The following BCAS1 variants were observed in gnomAD, a reference collection of about 807,000 sequenced individuals.
The protein encoded by BCAS1 is brain enriched myelin associated protein 1.
Under a neutral mutation model 65.4 loss-of-function variants are expected in BCAS1, and 46 were observed. The ratio of observed to expected loss-of-function variants is 0.70; its 90% CI spans 0.55 to 0.90. The LOEUF (loss-of-function observed/expected upper bound fraction) is 0.90. Ranked by LOEUF, BCAS1 falls within the 40% of genes least tolerant of loss-of-function variation. BCAS1 has a pLI of 0.00. For missense variants in BCAS1, 793 were observed against 771.2 expected (o/e 1.03, Z -0.33); for synonymous variants, 298 against 293.5 (o/e 1.02, Z -0.16).
intron 10 of BCAS1, among the ~76,000 whole-genome samples, chr20:53,960,495 A>AG (rs1226720126): frequency 7.3e-5 from 6 of 82,306 alleles, no homozygotes; most frequent in Non-Finnish European, 1.4e-4. Flanking sequence ...AAAAAAAAAA[A>AG]AGAGAGAGAG....
At chr20:54,063,412 G>A (rs548723375) in intron 1 of BCAS1, among the ~76,000 whole-genome samples, 6 of 152,308 alleles carry the variant, frequency 3.9e-5, no homozygotes, top group African/African-American at 1.2e-4. Context: ...ACTCTCACGG[G>A]TATGATCCTT....
At chr20:54,003,332 A>G (rs2145903019) in intron 4 of BCAS1, among the ~76,000 whole-genome samples, 1 of 151,518 alleles carries the variant, frequency 6.6e-6, no homozygotes, top group African/African-American at 2.4e-5. Flanking sequence ...AAGGATATGG[A>G]GTAAATTCTT....
chr20:53,947,066 G>A (rs1279739684), intron 12 of BCAS1, among the ~76,000 whole-genome samples: 4 of 152,086 alleles, frequency 2.6e-5, no homozygotes, highest in African/African-American at 9.7e-5. Flanking sequence ...ACTACATAGT[G>A]TAGTGTAATT....
intron 6 of BCAS1, 91 bp from the exon 7 acceptor site, chr20:53,992,737 G>T: frequency 1.6e-6 from 2 of 1,226,868 alleles, no homozygotes; most frequent in African/African-American, 1.6e-5. Flanking sequence ...TTAATACGCT[G>T]TGACAATTAA....
intron 9 of BCAS1, among the ~76,000 whole-genome samples, chr20:53,967,663 A>G (rs1217353652): frequency 1.3e-5 from 2 of 152,234 alleles, no homozygotes; most frequent in African/African-American, 4.8e-5. Flanking sequence ...CAGAAGAAAA[A>G]TGAACTTGGC....
intron 4 of BCAS1, among the ~76,000 whole-genome samples, chr20:53,997,989 C>T (rs2090962615): frequency 6.6e-6 from 1 of 152,158 alleles, no homozygotes; most frequent in South Asian, 2.1e-4. Context: ...CTGCCAGTTC[C>T]CTTACTTAGA....
intron 4 of BCAS1, among the ~76,000 whole-genome samples, chr20:53,996,341 G>T (rs1324785045): frequency 6.6e-6 from 1 of 151,800 alleles, no homozygotes; most frequent in East Asian, 1.9e-4. Context: ...TTCCAATTCT[G>T]CAAAGAAGTT....
chr20:54,028,288 AC>A, intron 4 of BCAS1, 103 bp downstream of exon 4: 1 of 1,203,638 alleles, frequency 8.3e-7, no homozygotes, highest in South Asian at 1.2e-5. Flanking sequence ...ACAGCTTGCC[AC>A]CTTGCCTAGG....
intron 4 of BCAS1, among the ~76,000 whole-genome samples, chr20:54,017,300 C>G (rs2146002839): frequency 6.6e-6 from 1 of 152,176 alleles, no homozygotes. Flanking sequence ...TCTCTTGTTT[C>G]CCTTTTGGCA....
chr20:54,013,970 T>TATA (rs2091377627), intron 4 of BCAS1, among the ~76,000 whole-genome samples: 6 of 152,256 alleles, frequency 3.9e-5, no homozygotes, highest in Admixed American at 3.9e-4. Context: ...TATAATTTTT[T>TATA]GTTTTGAACA....
At chr20:54,047,817 G>T (rs1458591497) in intron 3 of BCAS1, among the ~76,000 whole-genome samples, 1 of 152,226 alleles carries the variant, frequency 6.6e-6, no homozygotes, top group South Asian at 2.1e-4. Flanking sequence ...TGGCTCAAGA[G>T]TGCTGGTTAC....
At chr20:54,045,095 C>G (rs2092076356) in intron 3 of BCAS1, among the ~76,000 whole-genome samples, 1 of 151,080 alleles carries the variant, frequency 6.6e-6, no homozygotes, top group African/African-American at 2.4e-5. Context: ...GCCTGTGATC[C>G]CAGCTACACA....
chr20:54,043,199 T>C (rs1352964429), intron 3 of BCAS1, among the ~76,000 whole-genome samples: 1 of 152,162 alleles, frequency 6.6e-6, no homozygotes, highest in Non-Finnish European at 1.5e-5. Context: ...GGGATGCACA[T>C]TGTGACGGGC....
At chr20:53,958,940 G>A (rs1046862111) in intron 10 of BCAS1, among the ~76,000 whole-genome samples, 4 of 152,086 alleles carry the variant, frequency 2.6e-5, no homozygotes, top group African/African-American at 4.8e-5. Context: ...ATCAATAAAC[G>A]TTTATTGAGC....
chr20:53,952,696 A>G (rs1006881748), intron 12 of BCAS1, among the ~76,000 whole-genome samples: 3 of 152,240 alleles, frequency 2.0e-5, no homozygotes, highest in Non-Finnish European at 4.4e-5. Flanking sequence ...CAGGCAACCA[A>G]TTGATCAGAC....
chr20:54,012,022 A>T (rs2091331401), intron 4 of BCAS1, among the ~76,000 whole-genome samples: 1 of 152,190 alleles, frequency 6.6e-6, no homozygotes. Flanking sequence ...CCAAACATCA[A>T]ACTGGTACTT....
intron 1 of BCAS1, among the ~76,000 whole-genome samples, chr20:54,064,304 T>A (rs1211535964): frequency 6.6e-6 from 1 of 152,048 alleles, no homozygotes; most frequent in East Asian, 1.9e-4. Flanking sequence ...CTGGGGTGAG[T>A]GAGTGAGTGT....
chr20:53,974,006 C>A (rs890987461), intron 9 of BCAS1, among the ~76,000 whole-genome samples: 6 of 152,096 alleles, frequency 3.9e-5, no homozygotes, highest in African/African-American at 1.4e-4. Flanking sequence ...GTAAATGCAC[C>A]AGTCAGCACT....
rs1391284796 is a variant in BCAS1 at position 54,041,908 on chromosome 20, C to CAAAAA, written c.143-12937_143-12936insTTTTT. ...AGTTCAGAGTGAGACTCTGTCTCCC[C>CAAAAA]CAAAAAAAAAAAAAAAAAAAAAAGA... On this transcript the variant is annotated intron_variant, in intron 3 of 12. Transcript: ENST00000688948. Among the ~76,000 whole-genome samples the CAAAAA allele has an allele frequency of 3.2e-3, 212 of 67,216 alleles. 34 individuals carry two copies. Among genetic ancestry groups the CAAAAA allele is most frequent in the South Asian group, 9.8e-3 (13 of 1,328 alleles). The allele number at this position is 67,216 out of a possible 152,430, so 44.1% of individuals were successfully genotyped here.
Sources: allele counts gnomAD v4.1 joint callset (sites outside exome capture counted in the v4.1 genomes callset), GRCh38; gene constraint gnomAD v4.1.1; transcripts MANE v1.5; gene names NCBI Gene and HGNC (gene_info 2026-07-23, HGNC 2026-07-21).